Variants in PHACTR3 observed in about 807,000 individuals in gnomAD.
PHACTR3 encodes phosphatase and actin regulator 3.
PHACTR3 carries 16 observed loss-of-function variants against 66.8 expected under a neutral mutation model. That is an observed-to-expected ratio of 0.24 (90% CI 0.16 to 0.36). The LOEUF is 0.36. Among genes scored for constraint, PHACTR3 ranks in the 10% least tolerant of loss-of-function variants. The pLI is 1.00. For missense variants in PHACTR3, 647 were observed against 719.9 expected, an observed-to-expected ratio of 0.90 and a Z score of 1.16; for synonymous variants, 323 against 292.1, an observed-to-expected ratio of 1.11 and a Z score of -1.08.
At chr20:59,733,661 C>T (rs1157287891) in intron 1 of PHACTR3, among the ~76,000 whole-genome samples, 1 of 152,174 alleles carries the variant, frequency 6.6e-6, no homozygotes, top group Non-Finnish European at 1.5e-5. Context: ...CAGCAGATGA[C>T]CTGAGTTCTA....
intron 1 of PHACTR3, among the ~76,000 whole-genome samples, chr20:59,621,438 G>A (rs911979537): frequency 2.6e-5 from 4 of 152,258 alleles, no homozygotes; most frequent in Admixed American, 2.0e-4. Context: ...CTTGGGGACT[G>A]TCCACAGTGT....
At chr20:59,685,827 T>C (rs1286010550) in intron 1 of PHACTR3, among the ~76,000 whole-genome samples, 2 of 152,234 alleles carry the variant, frequency 1.3e-5, no homozygotes, top group Non-Finnish European at 2.9e-5. Context: ...CAGTCTGGCC[T>C]GATTGTATCT....
rs986643800 is a variant in PHACTR3, at chr20:59,774,455, A to G, written c.1139A>G (p.Gln380Arg). ...CTCAAAGACGACTTGCTTTTGTATCAGGACGAGGAGGCGCTGAACGACTCC... is the reference window on the plus strand; with the variant it reads ...CTCAAAGACGACTTGCTTTTGTATCGGGACGAGGAGGCGCTGAACGACTCC... ...SELKDDLLLY[Q>R]DEEALNDSII... The change falls in exon 7 of 13, where the codon CAG becomes CGG. Residue 380 changes from glutamine to arginine, a missense_variant. Physicochemically the swap from Gln to Arg is conservative, Grantham distance 43. Transcript: ENST00000371015. 6.2e-7 allele frequency: 1 copy of G among 1,613,858 alleles called. No homozygotes were observed. Among genetic ancestry groups the G allele is most frequent in the African/African-American group, 1.3e-5 (1 of 74,916 alleles).
intron 1 of PHACTR3, among the ~76,000 whole-genome samples, chr20:59,586,120 G>A (rs2033021225): frequency 6.6e-6 from 1 of 152,148 alleles, no homozygotes. Context: ...CTCCATCCAA[G>A]CCTCCCTCCA....
At chr20:59,818,425 T>C (rs1430418532) in intron 8 of PHACTR3, among the ~76,000 whole-genome samples, 2 of 152,156 alleles carry the variant, frequency 1.3e-5, no homozygotes, top group South Asian at 4.1e-4. Context: ...ATTTGTCTCT[T>C]TCAGTTTTAA....
chr20:59,604,699 T>C lies in PHACTR3; in HGVS notation c.-316T>C, dbSNP rs1261552898. ...CTGACAAGAAAAAGTTTTTATTTCC[T>C]GGTTCAACTTTTTTTTTTTTCCCTG... On this transcript the variant is annotated 5_prime_UTR_variant, in exon 1 of 13. Transcript: ENST00000371015. 16 of 1,032,770 alleles carry C rather than the reference T, an allele frequency of 1.5e-5. No homozygotes were observed. The East Asian group carries it at 1.0e-3, about 65-fold the overall frequency. The allele number at this position is 1,032,770 out of a possible 1,614,324, so 64.0% of individuals were successfully genotyped here. A position where few individuals can be genotyped will look rare whatever the true frequency, so the allele number is the denominator to read the frequency against.
intron 1 of PHACTR3, among the ~76,000 whole-genome samples, chr20:59,642,211 C>T (rs1198790490): frequency 2.0e-5 from 3 of 152,088 alleles, no homozygotes; most frequent in Non-Finnish European, 4.4e-5. Flanking sequence ...AGGATGCCAC[C>T]CCAGCTTACC....
At chr20:59,803,018 T>C (rs534400267) in intron 7 of PHACTR3, among the ~76,000 whole-genome samples, 1 of 152,288 alleles carries the variant, frequency 6.6e-6, no homozygotes, top group Non-Finnish European at 1.5e-5. Context: ...TCAGGTCCAA[T>C]ACAGACAGCC....
intron 1 of PHACTR3, among the ~76,000 whole-genome samples, chr20:59,608,164 T>TTTGCAG (rs2033727298): frequency 6.6e-6 from 1 of 152,234 alleles, no homozygotes. Context: ...GTTGTGTTAA[T>TTTGCAG]TTGCAGTTCC....
intron 8 of PHACTR3, among the ~76,000 whole-genome samples, chr20:59,833,655 G>A (rs2042448670): frequency 6.6e-6 from 1 of 152,162 alleles, no homozygotes; most frequent in African/African-American, 2.4e-5. Context: ...CACTCCTCAG[G>A]TGTCCCTATG....
chr20:59,699,448 T>G (rs1200643052), intron 1 of PHACTR3, among the ~76,000 whole-genome samples: 1 of 152,242 alleles, frequency 6.6e-6, no homozygotes, highest in Non-Finnish European at 1.5e-5. Flanking sequence ...TTTTGTTTAC[T>G]CCAGTCTCCT....
chr20:59,616,784 A>G (rs956607894), intron 1 of PHACTR3, among the ~76,000 whole-genome samples: 1 of 152,206 alleles, frequency 6.6e-6, no homozygotes, highest in African/African-American at 2.4e-5. Context: ...TAATCCTTGC[A>G]AGTAGCTGGT....
chr20:59,767,146 G>A (rs1400484531), intron 4 of PHACTR3, 40 bp from the exon 5 acceptor site: 4 of 1,607,594 alleles, frequency 2.5e-6, no homozygotes, highest in Non-Finnish European at 3.4e-6. Flanking sequence ...TGCTGTCAGA[G>A]GAAACATGTT....
At chr20:59,582,301 C>A (rs779917359) in intron 1 of PHACTR3, among the ~76,000 whole-genome samples, 1 of 152,226 alleles carries the variant, frequency 6.6e-6, no homozygotes, top group Non-Finnish European at 1.5e-5. Flanking sequence ...TAGGTTCTGT[C>A]TAATTGCTTT....
intron 1 of PHACTR3, among the ~76,000 whole-genome samples, chr20:59,670,608 G>GGGC (rs2036159705): frequency 2.2e-5 from 3 of 138,202 alleles, no homozygotes; most frequent in African/African-American, 7.7e-5. Flanking sequence ...CCGGGGGTGG[G>GGGC]GGGGGGGGGC....
intron 1 of PHACTR3, among the ~76,000 whole-genome samples, chr20:59,622,987 A>AAAAAAAAAAAC (rs958162112): frequency 4.2e-5 from 6 of 143,398 alleles, no homozygotes; most frequent in African/African-American, 1.5e-4. Flanking sequence ...TAACCAAAAA[A>AAAAAAAAAAAC]AAAAAAAAAA....
At chr20:59,788,597 G>C (rs911381828) in intron 7 of PHACTR3, among the ~76,000 whole-genome samples, 2 of 152,120 alleles carry the variant, frequency 1.3e-5, no homozygotes, top group Non-Finnish European at 2.9e-5. Context: ...TCTCTCTTGA[G>C]GCTCAACCTC....
chr20:59,653,308 C>T (rs2035516226), intron 1 of PHACTR3, among the ~76,000 whole-genome samples: 1 of 151,828 alleles, frequency 6.6e-6, no homozygotes. Flanking sequence ...TCTCAGCCTT[C>T]TAAGTAGCTG....
At chr20:59,841,329 G>T in intron 10 of PHACTR3, 66 bp from the exon 11 acceptor site, 1 of 1,499,930 alleles carries the variant, frequency 6.7e-7, no homozygotes, top group South Asian at 1.3e-5. Context: ...AGTGCTGTTT[G>T]TTCAGAGTAC....
Sources: allele counts gnomAD v4.1 joint callset (sites outside exome capture counted in the v4.1 genomes callset), GRCh38; gene constraint gnomAD v4.1.1; transcripts MANE v1.5; gene names NCBI Gene and HGNC (gene_info 2026-07-23, HGNC 2026-07-21).